Variants in ROR1 observed in about 807,000 individuals in gnomAD.
ROR1 encodes the protein inactive tyrosine-protein kinase transmembrane receptor ROR1.
In ROR1, 19 loss-of-function variants were observed where a neutral mutation model predicts 78.8. The observed-to-expected ratio is 0.24, with a 90% CI of 0.17 to 0.35. ROR1 has a LOEUF of 0.35. Among genes scored for constraint, ROR1 ranks in the 10% least tolerant of loss-of-function variants. ROR1 has a pLI of 1.00. For missense variants in ROR1, 917 were observed against 1,177.8 expected (o/e 0.78, Z 3.24); for synonymous variants, 386 against 433.6 (o/e 0.89, Z 1.36).
chr1:64,137,109 C>T (rs1436456359), intron 4 of ROR1, among the ~76,000 whole-genome samples: 5 of 152,166 alleles, frequency 3.3e-5, no homozygotes, highest in South Asian at 2.1e-4. Context: ...CCACCAGCTG[C>T]GAAAATAAAA....
chr1:64,045,165 AAAG>A (rs1646774645), intron 2 of ROR1, among the ~76,000 whole-genome samples: 1 of 152,178 alleles, frequency 6.6e-6, no homozygotes, highest in Admixed American at 6.6e-5. Context: ...GTGTAGTATC[AAAG>A]AAGAATATCC....
intron 1 of ROR1, among the ~76,000 whole-genome samples, chr1:63,823,445 CTT>C (rs11374055): frequency 1.9e-5 from 2 of 106,146 alleles, no homozygotes; most frequent in Non-Finnish European, 1.7e-5. Context: ...ACAGACATTA[CTT>C]TTTTTTTTTT....
intron 1 of ROR1, among the ~76,000 whole-genome samples, chr1:63,815,476 TTCTTTTTC>T (rs1320177428): frequency 2.8e-5 from 4 of 141,140 alleles, no homozygotes; most frequent in African/African-American, 9.2e-5. Context: ...TTCTTTTCTT[TTCTTTTTC>T]TTTTTTTTTT....
chr1:63,936,334 A>T (rs762920169), intron 1 of ROR1, among the ~76,000 whole-genome samples: 1 of 152,168 alleles, frequency 6.6e-6, no homozygotes, highest in Non-Finnish European at 1.5e-5. Context: ...AAAGGTGGAG[A>T]CCTTAGATTC....
chr1:63,863,768 ATTG>A (rs2100348850), intron 1 of ROR1, among the ~76,000 whole-genome samples: 1 of 150,232 alleles, frequency 6.7e-6, no homozygotes, highest in African/African-American at 2.5e-5. Flanking sequence ...ATTGTATTGT[ATTG>A]TATTGTATTG....
At chr1:64,124,281 G>A (rs1457106321) in intron 4 of ROR1, among the ~76,000 whole-genome samples, 1 of 152,274 alleles carries the variant, frequency 6.6e-6, no homozygotes, top group African/African-American at 2.4e-5. Context: ...ATAAGAATGT[G>A]ATGAAAGTCT....
intron 1 of ROR1, among the ~76,000 whole-genome samples, chr1:63,894,707 CCTT>C (rs1473580344): frequency 6.6e-6 from 1 of 152,146 alleles, no homozygotes; most frequent in Non-Finnish European, 1.5e-5. Flanking sequence ...CATAATCCCT[CCTT>C]CTGGGCACTG....
At chr1:64,125,568 T>A (rs145861391) in intron 4 of ROR1, among the ~76,000 whole-genome samples, 2 of 152,196 alleles carry the variant, frequency 1.3e-5, no homozygotes, top group African/African-American at 2.4e-5. Flanking sequence ...AACAGCAACC[T>A]GGGCCCAGGG....
At chr1:63,957,743 T>C (rs1001140069) in intron 1 of ROR1, among the ~76,000 whole-genome samples, 3 of 150,040 alleles carry the variant, frequency 2.0e-5, no homozygotes, top group African/African-American at 7.6e-5. Flanking sequence ...TGTTTGTTTT[T>C]TGTTTTTTTT....
At chr1:64,013,711 G>A (rs1434537012) in intron 2 of ROR1, among the ~76,000 whole-genome samples, 5 of 152,190 alleles carry the variant, frequency 3.3e-5, no homozygotes, top group Admixed American at 3.3e-4. Flanking sequence ...CTTTGACCAT[G>A]ACATCAACAG....
intron 7 of ROR1, among the ~76,000 whole-genome samples, chr1:64,157,502 A>G (rs1356072839): frequency 1.3e-5 from 2 of 152,108 alleles, no homozygotes; most frequent in South Asian, 2.1e-4. Context: ...GGCTCTTCTG[A>G]GGGCTAACTC....
intron 1 of ROR1, chr1:63,789,254 A>G: frequency 3.5e-6 from 2 of 579,060 alleles, no homozygotes; most frequent in Non-Finnish European, 6.6e-6. Flanking sequence ...TCTTCTTGCC[A>G]CAGGGGAGGA....
At chr1:63,809,266 A>G (rs982120682) in intron 1 of ROR1, among the ~76,000 whole-genome samples, 8 of 152,192 alleles carry the variant, frequency 5.3e-5, no homozygotes, top group African/African-American at 1.9e-4. Flanking sequence ...TGCCATCAAG[A>G]GGGAGATGAA....
At position 64,179,832 on chromosome 1, in the gene ROR1, C is replaced by T. The variant is rs1274695940; in HGVS notation, c.*977C>T. Reference sequence around the variant, plus strand: ...TGCAACTCCCTGTTTACAAGTTGTCCGAGGCATTGGAGTGCTTATGGTCAA... The same window carrying T: ...TGCAACTCCCTGTTTACAAGTTGTCTGAGGCATTGGAGTGCTTATGGTCAA... On this transcript the variant is annotated 3_prime_UTR_variant, in exon 9 of 9. Transcript: ENST00000371079. The T allele has an allele frequency of 6.6e-6, 1 of 152,138 alleles. No homozygotes were observed. The highest frequency in any genetic ancestry group is 1.5e-5 in the Non-Finnish European group (1 of 68,036). 9.4% of individuals were successfully genotyped at this position (152,138 alleles called of 1,614,324 possible).
At chr1:63,893,453 T>C (rs1469854271) in intron 1 of ROR1, among the ~76,000 whole-genome samples, 1 of 152,076 alleles carries the variant, frequency 6.6e-6, no homozygotes, top group African/African-American at 2.4e-5. Flanking sequence ...TTGAAGATGG[T>C]TATTTACTTG....
intron 1 of ROR1, among the ~76,000 whole-genome samples, chr1:63,979,202 T>G (rs1646188289): frequency 6.6e-6 from 1 of 152,162 alleles, no homozygotes; most frequent in South Asian, 2.1e-4. Context: ...TGCATAAAAC[T>G]AACCATTGCA....
chr1:63,838,731 G>A (rs1645032999), intron 1 of ROR1, among the ~76,000 whole-genome samples: 1 of 152,114 alleles, frequency 6.6e-6, no homozygotes, highest in Non-Finnish European at 1.5e-5. Flanking sequence ...CTACAGTAGT[G>A]TATAGTAATG....
At chr1:63,852,995 G>C (rs2100333155) in intron 1 of ROR1, among the ~76,000 whole-genome samples, 1 of 152,234 alleles carries the variant, frequency 6.6e-6, no homozygotes, top group South Asian at 2.1e-4. Context: ...TTTAAACTTA[G>C]GGACAGGTAC....
intron 4 of ROR1, among the ~76,000 whole-genome samples, chr1:64,113,079 C>T (rs1479012604): frequency 6.6e-6 from 1 of 152,224 alleles, no homozygotes; most frequent in African/African-American, 2.4e-5. Flanking sequence ...AAGCTACTTT[C>T]TTCCGTTTTT....
Sources: gnomAD v4.1 joint callset for allele counts (sites outside exome capture counted in the v4.1 genomes callset) on GRCh38, gnomAD v4.1.1 for gene constraint, MANE v1.5 for transcripts, NCBI Gene and HGNC (gene_info 2026-07-23, HGNC 2026-07-21) for gene names.